PCDHA4: variants seen among roughly 807,000 people sequenced by gnomAD.
PCDHA4 encodes the protein protocadherin alpha-4.
Under a neutral mutation model 61.4 loss-of-function variants are expected in PCDHA4, and 49 were observed. The ratio of observed to expected loss-of-function variants is 0.80; its 90% CI spans 0.63 to 1.01. The LOEUF is 1.01. Among genes scored for constraint, PCDHA4 ranks in the 50% least tolerant of loss-of-function variants. The pLI, the probability that PCDHA4 is intolerant of heterozygous loss-of-function variation, is 0.00. For synonymous variants in PCDHA4, 590 were observed against 550.3 expected (o/e 1.07, Z -1.01); for missense variants, 1,254 against 1,235.8 (o/e 1.01, Z -0.22).
At chr5:140,911,934 A>G (rs2075691303) in intron 1 of PCDHA4, among the ~76,000 whole-genome samples, 1 of 152,158 alleles carries the variant, frequency 6.6e-6, no homozygotes, top group East Asian at 1.9e-4. Flanking sequence ...AATAGGATAG[A>G]TGTATATATA....
At chr5:140,849,348 G>A (rs1426659578) in intron 1 of PCDHA4, 2 of 1,434,152 alleles carry the variant, frequency 1.4e-6, no homozygotes, top group Non-Finnish European at 9.5e-7. Flanking sequence ...CTCCAGTGAT[G>A]TTTCTCCAGA....
intron 1 of PCDHA4, among the ~76,000 whole-genome samples, chr5:140,893,651 A>G (rs1422431076): frequency 6.6e-6 from 1 of 152,106 alleles, no homozygotes; most frequent in Non-Finnish European, 1.5e-5. Context: ...TTTGGCTGAT[A>G]GTTTTAAAAA....
At chr5:140,845,181 TA>T (rs1554140854) in intron 1 of PCDHA4, among the ~76,000 whole-genome samples, 1 of 149,328 alleles carries the variant, frequency 6.7e-6, no homozygotes, top group African/African-American at 2.5e-5. Context: ...TTTAGTCCTT[TA>T]AAAAATATGA....
intron 1 of PCDHA4, chr5:140,830,949 C>T (rs1369947850): frequency 6.6e-6 from 1 of 152,220 alleles, no homozygotes; most frequent in Non-Finnish European, 1.5e-5. Context: ...ATTAAGCTAA[C>T]GCTTTGATTT....
At chr5:140,966,654 T>C in intron 1 of PCDHA4, 1 of 1,185,100 alleles carries the variant, frequency 8.4e-7, no homozygotes, top group Non-Finnish European at 1.1e-6. Flanking sequence ...GCGTGAGCGG[T>C]GGGGGAGCAG....
intron 1 of PCDHA4, chr5:140,967,103 C>T: frequency 6.2e-7 from 1 of 1,613,024 alleles, no homozygotes; most frequent in Non-Finnish European, 8.5e-7. Context: ...GCTGTGTGAG[C>T]AGCGGCCTCG....
At position 140,836,615 on chromosome 5, in the gene PCDHA4, G is replaced by A. The variant is rs2150265724; in HGVS notation, c.2385+27043G>A. On this transcript the variant is annotated intron_variant, in intron 1 of 3. Coordinates refer to ENST00000530339, the MANE Select transcript of PCDHA4 (RefSeq NM_018907.4). Reference sequence around the variant, plus strand: ...AGCCCACTCTGGTGTGCTCCAGCGCGGTGGGGAGCTGGTCATTCTCCCAGC... The same window carrying A: ...AGCCCACTCTGGTGTGCTCCAGCGCAGTGGGGAGCTGGTCATTCTCCCAGC... 925 of 1,613,634 alleles carry A rather than the reference G, an allele frequency of 5.7e-4. 10 individuals carry two copies. The African/African-American group carries it at 0.011, about 19-fold the overall frequency.
At chr5:140,957,225 G>C (rs1585702621) in intron 1 of PCDHA4, among the ~76,000 whole-genome samples, 1 of 152,072 alleles carries the variant, frequency 6.6e-6, no homozygotes, top group Admixed American at 6.6e-5. Flanking sequence ...ATTTGGCGAA[G>C]CATTTTGGCA....
At chr5:141,007,227 A>G (rs1458505596) in intron 3 of PCDHA4, among the ~76,000 whole-genome samples, 1 of 151,972 alleles carries the variant, frequency 6.6e-6, no homozygotes, top group Non-Finnish European at 1.5e-5. Flanking sequence ...CAAAATAAGA[A>G]GGATTGTTGA....
chr5:140,837,389 T>A (rs1775035247), intron 1 of PCDHA4, among the ~76,000 whole-genome samples: 1 of 151,976 alleles, frequency 6.6e-6, no homozygotes, highest in Non-Finnish European at 1.5e-5. Context: ...TTGTTCCTTG[T>A]TTGTATAAGA....
rs562081561 is a variant in PCDHA4 at position 140,927,834 on chromosome 5, C to T, written c.2386-51115C>T. 1.2e-5 allele frequency: 19 copies of T among 1,614,138 alleles called. No homozygotes were observed. In the East Asian group the frequency reaches 2.2e-4, roughly 19 times the overall value. ...TGGAGGCATACATTGAGGCGAGGGA[C>T]GAAGGTGTCTTTGGTTTAGCTAGCA... On this transcript the variant is annotated intron_variant, in intron 1 of 3. Coordinates refer to ENST00000530339, the MANE Select transcript of PCDHA4 (RefSeq NM_018907.4).
intron 1 of PCDHA4, among the ~76,000 whole-genome samples, chr5:140,909,595 A>G (rs1336934015): frequency 6.6e-6 from 1 of 151,976 alleles, no homozygotes; most frequent in Non-Finnish European, 1.5e-5. Context: ...TTGATTTACT[A>G]TTTTTCTAGG....
intron 1 of PCDHA4, chr5:140,825,341 T>TATATCTAATATATATTAGATATATAA (rs1768513170): frequency 6.9e-6 from 1 of 145,948 alleles, no homozygotes; most frequent in South Asian, 2.1e-4. Flanking sequence ...TATTTTTCAA[T>TATATCTAATATATATTAGATATATAA]ATATCTAATA....
At chr5:140,849,960 C>G in intron 1 of PCDHA4, 1 of 1,597,926 alleles carries the variant, frequency 6.3e-7, no homozygotes, top group Non-Finnish European at 8.6e-7. Context: ...GGAGAACGCC[C>G]TGGTGTCCTA....
intron 1 of PCDHA4, among the ~76,000 whole-genome samples, chr5:140,838,280 A>ATTTTT (rs2150286950): frequency 0.017 from 2,338 of 139,538 alleles, 73 homozygotes; most frequent in African/African-American, 0.061. Flanking sequence ...AGCCATGCTA[A>ATTTTT]TTTTTTTTTT....
intron 1 of PCDHA4, chr5:140,829,838 C>A (rs2150175831): frequency 1.2e-6 from 2 of 1,613,924 alleles, no homozygotes; most frequent in Non-Finnish European, 1.7e-6. Flanking sequence ...GCTGGTGCCG[C>A]GGTCACTGGG....
rs782133089 is a variant in PCDHA4, at chr5:140,924,894, C to CA, written c.2386-54044dup. Among the ~76,000 whole-genome samples, 369 of 71,492 alleles carry CA rather than the reference C, an allele frequency of 5.2e-3. 5 individuals carry two copies. The South Asian group carries it at 0.07, about 14-fold the overall frequency. 46.9% of individuals were successfully genotyped at this position (71,492 alleles called of 152,430 possible). ...TGGGTGACAGAGCAAGAACCTGTCT[C>CA]AAAAAAAAAAATAAAATAAAATAAA... is the stretch of plus-strand genomic sequence containing the variant. On this transcript the variant is annotated intron_variant, in intron 1 of 3. Coordinates refer to ENST00000530339, the MANE Select transcript of PCDHA4 (RefSeq NM_018907.4).
At chr5:140,896,470 C>T (rs1583233416) in intron 1 of PCDHA4, among the ~76,000 whole-genome samples, 2 of 151,962 alleles carry the variant, frequency 1.3e-5, no homozygotes, top group South Asian at 4.2e-4. Context: ...TCAAGCGGTT[C>T]TCCTGCCTCA....
intron 1 of PCDHA4, chr5:140,856,597 C>T: frequency 6.3e-7 from 1 of 1,597,412 alleles, no homozygotes; most frequent in East Asian, 2.2e-5. Context: ...ATATTATAAA[C>T]AAAAAAGACA....
Sources: gnomAD v4.1 joint callset for allele counts (sites outside exome capture counted in the v4.1 genomes callset) on GRCh38, gnomAD v4.1.1 for gene constraint, MANE v1.5 for transcripts, NCBI Gene and HGNC (gene_info 2026-07-23, HGNC 2026-07-21) for gene names.